Variants in FAAH2 observed in about 807,000 individuals in gnomAD.
FAAH2 encodes the protein fatty acid amide hydrolase 2, also known as fatty-acid amide hydrolase 2.
In FAAH2, 60 loss-of-function variants were observed where a neutral mutation model predicts 36.9. That is an observed-to-expected ratio of 1.63 (90% confidence interval 1.32 to 2.02). The LOEUF (loss-of-function observed/expected upper bound fraction) is 2.02, where lower values mean the gene tolerates loss of function less well. FAAH2 is among the 30% of genes most tolerant of loss of function. FAAH2 has a pLI of 0.00. For missense variants in FAAH2, 689 were observed against 397.5 expected, an observed-to-expected ratio of 1.73 and a Z score of -6.23; for synonymous variants, 214 against 143.8, an observed-to-expected ratio of 1.49 and a Z score of -3.49.
intron 4 of FAAH2, among the ~76,000 whole-genome samples, chrX:57,335,138 A>G (rs1446738133): frequency 9.0e-6 from 1 of 110,939 alleles, no homozygotes; most frequent in Non-Finnish European, 1.9e-5. Context: ...AACTTAAATC[A>G]TAACAAACAG....
chrX:57,429,619 C>T (rs2056246411), intron 7 of FAAH2, among the ~76,000 whole-genome samples: 1 of 111,406 alleles, frequency 9.0e-6, no homozygotes, highest in African/African-American at 3.3e-5. Flanking sequence ...TAATACAATA[C>T]ATAGGGTTCT....
chrX:57,374,948 T>A (rs1366080865), intron 5 of FAAH2, among the ~76,000 whole-genome samples: 1 of 111,908 alleles, frequency 8.9e-6, no homozygotes, highest in African/African-American at 3.2e-5. Flanking sequence ...GATGCTTTTC[T>A]GCGTCTATCA....
chrX:57,386,906 T>C (rs778804447), intron 7 of FAAH2, among the ~76,000 whole-genome samples: 1 of 112,123 alleles, frequency 8.9e-6, no homozygotes, highest in Admixed American at 9.4e-5. Flanking sequence ...AATAATAGTT[T>C]AAAATAGTCA....
chrX:57,423,177 A>G (rs1180460650), intron 7 of FAAH2, among the ~76,000 whole-genome samples: 1 of 112,091 alleles, frequency 8.9e-6, no homozygotes. Flanking sequence ...GAAGGAGGAC[A>G]TTTCTAATCC....
chrX:57,450,154 C>A (rs1196067006), intron 10 of FAAH2, among the ~76,000 whole-genome samples: 1 of 110,711 alleles, frequency 9.0e-6, no homozygotes, highest in Non-Finnish European at 1.9e-5. Flanking sequence ...TGGTTTGTAA[C>A]TTTTCCCTCT....
chrX:57,138,492 G>C, the FAAH2 span, among the ~76,000 whole-genome samples: 1 of 109,581 alleles, frequency 9.1e-6, no homozygotes, highest in Non-Finnish European at 1.9e-5. Context: ...TCCATATCTT[G>C]TCTATTGTGA....
chrX:57,450,383 C>A (rs2056762377), intron 10 of FAAH2, among the ~76,000 whole-genome samples: 1 of 110,754 alleles, frequency 9.0e-6, no homozygotes, highest in Admixed American at 9.8e-5. Flanking sequence ...CCTGAGGAAA[C>A]TGAATGATGT....
At chrX:57,143,511 C>G in the FAAH2 span, among the ~76,000 whole-genome samples, 2 of 110,709 alleles carry the variant, frequency 1.8e-5, no homozygotes, top group Admixed American at 1.9e-4. Context: ...GGATCTCACT[C>G]TATCACCCAA....
chrX:57,344,659 A>C (rs769161053), intron 5 of FAAH2, among the ~76,000 whole-genome samples: 11 of 110,854 alleles, frequency 9.9e-5, no homozygotes, highest in Non-Finnish European at 1.5e-4. Flanking sequence ...CCTTTGTCTT[A>C]CTGCAGGTCT....
chrX:57,447,411 A>T (rs911108585), intron 9 of FAAH2, among the ~76,000 whole-genome samples: 12 of 111,736 alleles, frequency 1.1e-4, no homozygotes, highest in Non-Finnish European at 1.9e-4. Context: ...TCCACTAGGC[A>T]GTGCTCCAGT....
rs775104715 is a variant in FAAH2, at chrX:57,353,362, A to C, written c.742+11972A>C. On this transcript the variant is annotated intron_variant, in intron 5 of 10. Transcript: ENST00000374900. ...ACATTGTGGAAGTGAATCACTTTTC[A>C]ATAAATGGTGCTGGGAAAATTGGAT... Among the ~76,000 whole-genome samples, 4 of 109,179 alleles carry C rather than the reference A, an allele frequency of 3.7e-5. No individual in the cohort carries two copies. The South Asian group carries it at 1.6e-3, about 43-fold the overall frequency. 94.8% of individuals were successfully genotyped at this position (109,179 alleles called of 115,157 possible).
the FAAH2 span, among the ~76,000 whole-genome samples, chrX:57,194,245 A>G: frequency 9.0e-6 from 1 of 111,451 alleles, no homozygotes; most frequent in African/African-American, 3.3e-5. Context: ...TCCGGGTTCA[A>G]TCTTGACAGG....
chrX:57,245,011 C>A, the FAAH2 span, among the ~76,000 whole-genome samples: 1 of 110,282 alleles, frequency 9.1e-6, no homozygotes, highest in Non-Finnish European at 1.9e-5. Flanking sequence ...AACACATAGG[C>A]TCAAAATAAA....
chrX:57,310,298 A>G (rs1180107494), intron 2 of FAAH2, among the ~76,000 whole-genome samples: 2 of 111,661 alleles, frequency 1.8e-5, no homozygotes, highest in Non-Finnish European at 1.9e-5. Context: ...TCTTGTAGAT[A>G]TCTATAATTA....
the FAAH2 span, among the ~76,000 whole-genome samples, chrX:57,123,614 C>A: frequency 8.9e-6 from 1 of 112,151 alleles, no homozygotes; most frequent in Non-Finnish European, 1.9e-5. Flanking sequence ...TTTACAGTCC[C>A]ACCAACAGTG....
intron 7 of FAAH2, among the ~76,000 whole-genome samples, chrX:57,406,113 T>A (rs1045155532): frequency 5.6e-4 from 62 of 111,452 alleles, no homozygotes; most frequent in African/African-American, 2.0e-3. Flanking sequence ...CAGATAAAAA[T>A]TCCTCAGTGG....
At chrX:57,421,326 C>A (rs2056019741) in intron 7 of FAAH2, among the ~76,000 whole-genome samples, 3 of 112,058 alleles carry the variant, frequency 2.7e-5, no homozygotes, top group Non-Finnish European at 3.8e-5. Context: ...CGCCTGTAAT[C>A]CCAGCTACTC....
chrX:57,278,064 A>G, the FAAH2 span, among the ~76,000 whole-genome samples: 11 of 111,899 alleles, frequency 9.8e-5, no homozygotes, highest in Non-Finnish European at 2.1e-4. Context: ...ACAGAATTGG[A>G]AAAAAACTAC....
At chrX:57,397,318 T>C (rs1433043479) in intron 7 of FAAH2, among the ~76,000 whole-genome samples, 5 of 112,071 alleles carry the variant, frequency 4.5e-5, no homozygotes, top group African/African-American at 1.3e-4. Context: ...GTTAGCTATA[T>C]GCTTTGTAGT....
Sources: gnomAD v4.1 joint callset for allele counts (sites outside exome capture counted in the v4.1 genomes callset) on GRCh38, gnomAD v4.1.1 for gene constraint, MANE v1.5 for transcripts, NCBI Gene and HGNC (gene_info 2026-07-23, HGNC 2026-07-21) for gene names.